Variants in GLIS3 observed in about 807,000 individuals in gnomAD.
GLIS3 encodes GLIS family zinc finger 3, also known as zinc finger protein GLIS3.
A neutral mutation model predicts 78.6 loss-of-function variants in GLIS3; 53 were observed. That is an observed-to-expected ratio of 0.67 (90% CI 0.54 to 0.85). The LOEUF (loss-of-function observed/expected upper bound fraction) is 0.85, where lower values mean the gene tolerates loss of function less well. Ranked by LOEUF, GLIS3 falls within the 40% of genes least tolerant of loss-of-function variation. The pLI, the probability that GLIS3 is intolerant of heterozygous loss-of-function variation, is 0.00. For synonymous variants in GLIS3, 684 were observed against 509.9 expected, an observed-to-expected ratio of 1.34 and a Z score of -4.60; for missense variants, 1,703 against 1,231.1, an observed-to-expected ratio of 1.38 and a Z score of -5.74.
chr9:4,045,333 A>G (rs189035637), intron 4 of GLIS3, among the ~76,000 whole-genome samples: 9 of 150,730 alleles, frequency 6.0e-5, no homozygotes, highest in East Asian at 5.8e-4. Flanking sequence ...TTTTTGCTAT[A>G]AAAATGAAAA....
intron 4 of GLIS3, among the ~76,000 whole-genome samples, chr9:4,032,187 C>T (rs578593): frequency 0.033 from 5,098 of 152,228 alleles, 280 homozygotes; most frequent in African/African-American, 0.12. Context: ...CCTGAAACCA[C>T]AGACGTTCAC....
chr9:4,223,347 C>T (rs925317381), intron 2 of GLIS3, among the ~76,000 whole-genome samples: 13 of 152,188 alleles, frequency 8.5e-5, no homozygotes, highest in African/African-American at 2.9e-4. Context: ...CCTAACACTG[C>T]TTCTAATATT....
At chr9:4,041,453 G>C (rs766107314) in intron 4 of GLIS3, among the ~76,000 whole-genome samples, 23 of 152,120 alleles carry the variant, frequency 1.5e-4, no homozygotes, top group Non-Finnish European at 3.4e-4. Flanking sequence ...CTTAGACTTG[G>C]TGGAAAAAAG....
At chr9:4,464,967 T>TA in the GLIS3 span, among the ~76,000 whole-genome samples, 1 of 152,212 alleles carries the variant, frequency 6.6e-6, no homozygotes, top group Non-Finnish European at 1.5e-5. Context: ...TGTATTCCTC[T>TA]AAGCAGACAT....
intron 4 of GLIS3, among the ~76,000 whole-genome samples, chr9:3,957,319 T>C (rs560916510): frequency 3.5e-4 from 54 of 152,374 alleles, no homozygotes; most frequent in African/African-American, 1.2e-3. Context: ...TTTGGCTGCC[T>C]AGCCGATTAA....
chr9:4,148,319 A>C (rs1834385630), intron 2 of GLIS3, among the ~76,000 whole-genome samples: 1 of 152,094 alleles, frequency 6.6e-6, no homozygotes, highest in African/African-American at 2.4e-5. Context: ...TCTTTCAGAC[A>C]TACTCCACTC....
At chr9:3,830,914 C>T (rs894583226) in intron 9 of GLIS3, among the ~76,000 whole-genome samples, 3 of 152,170 alleles carry the variant, frequency 2.0e-5, no homozygotes, top group African/African-American at 2.4e-5. Flanking sequence ...CACAATGTAG[C>T]CTGTGTAACT....
intron 6 of GLIS3, among the ~76,000 whole-genome samples, chr9:3,925,586 AGTGTGTGTGCGTGTGCGCGC>A (rs1825160412): frequency 6.6e-6 from 1 of 151,158 alleles, no homozygotes; most frequent in African/African-American, 2.4e-5. Context: ...CTACATGGTC[AGTGTGTGTGCGTGTGCGCGC>A]GTGTGTGTGT....
At chr9:4,224,021 A>C (rs1821550349) in intron 2 of GLIS3, among the ~76,000 whole-genome samples, 1 of 151,982 alleles carries the variant, frequency 6.6e-6, no homozygotes, top group South Asian at 2.1e-4. Flanking sequence ...AAACCCCACC[A>C]GAGTAAACTG....
At position 3,953,760 on chromosome 9, in the gene GLIS3, G is replaced by GCTCTCTCT. The variant is rs71507912; in HGVS notation, c.1711-16579_1711-16572dup. Among the ~76,000 whole-genome samples the GCTCTCTCT allele has an allele frequency of 3.0e-3, 314 of 103,050 alleles. 1 individual carries two copies. Among genetic ancestry groups the GCTCTCTCT allele is most frequent in the East Asian group, 5.3e-3 (18 of 3,366 alleles). 67.6% of individuals were successfully genotyped at this position (103,050 alleles called of 152,430 possible). A position where few individuals can be genotyped will look rare whatever the true frequency, so the allele number is the denominator to read the frequency against. Reference sequence around the variant, plus strand: ...AATATTGCCAATGATAATTAGATTTGCTCTCTCTCTCTCTCTCTCTCTCTC... The same window carrying GCTCTCTCT: ...AATATTGCCAATGATAATTAGATTTGCTCTCTCTCTCTCTCTCTCTCTCTCTCTCTCTC... On this transcript the variant is annotated intron_variant, in intron 4 of 10. Transcript: ENST00000381971.
chr9:4,159,537 G>A (rs1054695866), intron 2 of GLIS3, among the ~76,000 whole-genome samples: 1 of 152,056 alleles, frequency 6.6e-6, no homozygotes. Context: ...TGGCCAACAC[G>A]GTGAAACCCC....
chr9:4,313,242 C>T (rs1007460578), intron 2 of GLIS3, among the ~76,000 whole-genome samples: 1 of 152,210 alleles, frequency 6.6e-6, no homozygotes. Flanking sequence ...TTCCTCCGCA[C>T]AGCTCCATTA....
chr9:4,479,825 G>A, the GLIS3 span, among the ~76,000 whole-genome samples: 1 of 151,050 alleles, frequency 6.6e-6, no homozygotes. Flanking sequence ...CTTAGAGAGA[G>A]AAAACAGGAC....
chr9:3,952,124 T>C (rs1202167345), intron 4 of GLIS3, among the ~76,000 whole-genome samples: 1 of 152,170 alleles, frequency 6.6e-6, no homozygotes, highest in Non-Finnish European at 1.5e-5. Flanking sequence ...ACAGCTTCTG[T>C]TTGCATACTC....
At chr9:4,211,688 A>C (rs1290921254) in intron 2 of GLIS3, among the ~76,000 whole-genome samples, 2 of 152,252 alleles carry the variant, frequency 1.3e-5, no homozygotes, top group African/African-American at 4.8e-5. Flanking sequence ...GAAGAAATGA[A>C]GTCATCCTTC....
chr9:4,316,175 T>G (rs888476539), intron 2 of GLIS3, among the ~76,000 whole-genome samples: 10 of 152,164 alleles, frequency 6.6e-5, no homozygotes, highest in African/African-American at 2.4e-4. Context: ...TCTCCACCTT[T>G]TTCTGGTTTT....
In GLIS3 at chr9:4,032,780, C is replaced by T. The variant is rs192716794; in HGVS notation, c.1710+84988G>A. On this transcript the variant is annotated intron_variant, in intron 4 of 10. Coordinates refer to ENST00000381971, the MANE Select transcript of GLIS3 (RefSeq NM_001042413.2). ...CTTCTGTCACCAGGATGCCCCTGCC[C>T]CCACTGCCAATAGCATTCTCCTTTT... is the stretch of plus-strand genomic sequence containing the variant. 1.7e-3 allele frequency among the ~76,000 whole-genome samples: 260 copies of T among 152,308 alleles called. 1 individual carries two copies. Among genetic ancestry groups the T allele is most frequent in the African/African-American group, 5.8e-3 (241 of 41,566 alleles).
intron 2 of GLIS3, among the ~76,000 whole-genome samples, chr9:4,189,627 C>T (rs969647770): frequency 2.6e-5 from 4 of 152,104 alleles, no homozygotes; most frequent in Non-Finnish European, 4.4e-5. Context: ...GTGTGGGAGT[C>T]TAAGTCTCTT....
chr9:4,286,530 A>T lies in GLIS3; in HGVS notation c.-98-7T>A, dbSNP rs1277429123. 4 of 1,373,312 alleles carry T rather than the reference A, an allele frequency of 2.9e-6. No homozygotes were observed. The Admixed American group carries it at 7.3e-5, about 25-fold the overall frequency. 85.1% of individuals were successfully genotyped at this position (1,373,312 alleles called of 1,614,324 possible). A position where few individuals can be genotyped will look rare whatever the true frequency, so the allele number is the denominator to read the frequency against. On this transcript the variant is annotated splice_region_variant and splice_polypyrimidine_tract_variant and intron_variant, in intron 1 of 10. Transcript: ENST00000381971. ...CATGGTGTGGGTTATAAGCCTGTTT[A>T]AAAAAATAAACGCAGGCATTTTTAA...
Sources: allele counts gnomAD v4.1 joint callset (sites outside exome capture counted in the v4.1 genomes callset), GRCh38; gene constraint gnomAD v4.1.1; transcripts MANE v1.5; gene names NCBI Gene and HGNC (gene_info 2026-07-23, HGNC 2026-07-21).